Variants in TRIO observed in about 807,000 individuals in gnomAD.
TRIO encodes triple functional domain protein.
A neutral mutation model predicts 351.9 loss-of-function variants in TRIO; 58 were observed. That is an observed-to-expected ratio of 0.16 (90% CI 0.13 to 0.21). TRIO has a LOEUF of 0.21. Ranked by LOEUF, TRIO falls within the 10% of genes least tolerant of loss-of-function variation. The pLI, the probability that TRIO is intolerant of heterozygous loss-of-function variation, is 1.00. For missense variants in TRIO, 3,201 were observed against 4,027.8 expected (o/e 0.79, Z 5.56); for synonymous variants, 1,758 against 1,595.7 (o/e 1.10, Z -2.42).
chr5:14,488,010 T>C lies in TRIO; in HGVS notation c.7382T>C (p.Leu2461Pro), dbSNP rs1756113294. The C allele has an allele frequency of 3.2e-6, 5 of 1,584,582 alleles. No individual in the cohort carries two copies. Among genetic ancestry groups the C allele is most frequent in the South Asian group, 1.1e-5 (1 of 87,082 alleles). Reference sequence around the variant, plus strand: ...GCCGCTTCGCCGCTGAACTCGCCGCTCTCCAGCGCGGTCCCTTCTCTCGGC... The same window carrying C: ...GCCGCTTCGCCGCTGAACTCGCCGCCCTCCAGCGCGGTCCCTTCTCTCGGC... ...AGAASPLNSPLSSAVPSLGKE... is the reference protein window; with the variant it reads ...AGAASPLNSPPSSAVPSLGKE... Residue 2461 changes from leucine to proline, a missense_variant, in exon 48 of 57, where the codon CTC becomes CCC. Around this residue, in one of 19 missense-constraint regions of TRIO, gnomAD observed 1,089 missense variants for 954.9 expected, o/e 1.14. Transcript: ENST00000344204.
intron 1 of TRIO, among the ~76,000 whole-genome samples, chr5:14,159,344 A>C (rs1788294119): frequency 6.6e-6 from 1 of 150,598 alleles, no homozygotes; most frequent in African/African-American, 2.4e-5. Context: ...AAAGAGAGAG[A>C]GACTTTGCTT....
In TRIO at chr5:14,354,844, C is replaced by T. The variant is rs79650193; in HGVS notation, c.2047-3334C>T. 5.9e-5 allele frequency among the ~76,000 whole-genome samples: 9 copies of T among 152,308 alleles called. No homozygotes were observed. The East Asian group carries it at 1.7e-3, about 29-fold the overall frequency. ...CACAGGCAGGGGACCCGGGAATACT[C>T]CATTTCCTAGGTCCCATTGGACAGT... On this transcript the variant is annotated intron_variant, in intron 11 of 56. Coordinates refer to ENST00000344204, the MANE Select transcript of TRIO (RefSeq NM_007118.4).
intron 1 of TRIO, among the ~76,000 whole-genome samples, chr5:14,261,903 C>T (rs541285944): frequency 7.2e-4 from 109 of 152,324 alleles, no homozygotes; most frequent in African/African-American, 2.6e-3. Context: ...ACTAATCAGT[C>T]ACCAAATATA....
rs750507959 is a variant in TRIO at position 14,330,903 on chromosome 5, A to G, written c.1854+3A>G. 2.3e-5 allele frequency: 37 copies of G among 1,613,854 alleles called. No individual in the cohort carries two copies. Among genetic ancestry groups the G allele is most frequent in the Non-Finnish European group, 2.1e-5 (25 of 1,179,896 alleles). Reference sequence around the variant, plus strand: ...AAGATTTTGAAGAAGTGGCACAGGTAAAACAATGGCTTCTATTATTTTATC... The same window carrying G: ...AAGATTTTGAAGAAGTGGCACAGGTGAAACAATGGCTTCTATTATTTTATC... On this transcript the variant is annotated splice_donor_region_variant and intron_variant, in intron 10 of 56. Coordinates refer to ENST00000344204, the MANE Select transcript of TRIO (RefSeq NM_007118.4).
chr5:14,446,642 C>T (rs912515529), intron 34 of TRIO, among the ~76,000 whole-genome samples: 13 of 152,138 alleles, frequency 8.5e-5, no homozygotes, highest in Non-Finnish European at 1.6e-4. Flanking sequence ...CCAGTCTGTG[C>T]GACATGTCTT....
intron 49 of TRIO, among the ~76,000 whole-genome samples, chr5:14,496,516 G>C (rs1205939867): frequency 6.6e-6 from 1 of 152,146 alleles, no homozygotes; most frequent in African/African-American, 2.4e-5. Flanking sequence ...CCTTAGAAAG[G>C]GCACATGCCT....
chr5:14,445,947 G>A (rs1410341605), intron 34 of TRIO, among the ~76,000 whole-genome samples: 4 of 152,212 alleles, frequency 2.6e-5, no homozygotes, highest in East Asian at 1.9e-4. Flanking sequence ...CCAGCCCCAC[G>A]CAGGGGCGGT....
chr5:14,389,182 T>C (rs890145316), intron 24 of TRIO, 107 bp from the exon 25 acceptor site: 1 of 821,268 alleles, frequency 1.2e-6, no homozygotes, highest in Admixed American at 3.5e-5. Context: ...TCCTTAGTTA[T>C]ACTTTCACTT....
intron 34 of TRIO, among the ~76,000 whole-genome samples, chr5:14,422,323 CT>C (rs1750238281): frequency 6.6e-6 from 1 of 152,206 alleles, no homozygotes; most frequent in Admixed American, 6.5e-5. Flanking sequence ...GTCTCTGACT[CT>C]TACTGCTCTG....
intron 1 of TRIO, among the ~76,000 whole-genome samples, chr5:14,150,131 T>G (rs914125344): frequency 7.2e-5 from 11 of 152,200 alleles, no homozygotes; most frequent in African/African-American, 2.4e-4. Flanking sequence ...TTGTTAGCAT[T>G]GAAACTGTGT....
At chr5:14,236,948 A>C (rs1433681611) in intron 1 of TRIO, among the ~76,000 whole-genome samples, 2 of 152,208 alleles carry the variant, frequency 1.3e-5, no homozygotes, top group Admixed American at 1.3e-4. Flanking sequence ...AGGTATCCAC[A>C]GGGAAGCTTC....
chr5:14,355,439 C>T (rs887796412), intron 11 of TRIO, among the ~76,000 whole-genome samples: 13 of 152,188 alleles, frequency 8.5e-5, no homozygotes, highest in Non-Finnish European at 1.3e-4. Flanking sequence ...CTCGTAGTGA[C>T]GCCTTTAGGT....
At chr5:14,257,708 A>G (rs963957858) in intron 1 of TRIO, among the ~76,000 whole-genome samples, 4 of 152,216 alleles carry the variant, frequency 2.6e-5, no homozygotes, top group African/African-American at 9.7e-5. Context: ...TTAATTTACT[A>G]TGATTGTGTG....
intron 1 of TRIO, among the ~76,000 whole-genome samples, chr5:14,186,089 A>G (rs1486218339): frequency 6.6e-6 from 1 of 152,176 alleles, no homozygotes; most frequent in Admixed American, 6.5e-5. Context: ...TTAGATGTTG[A>G]CTAGATTCAT....
intron 6 of TRIO, 108 bp from the exon 7 acceptor site, chr5:14,296,964 G>A (rs1737414054): frequency 1.2e-6 from 1 of 829,572 alleles, no homozygotes; most frequent in Non-Finnish European, 1.9e-6. Context: ...GGAGAGATGT[G>A]ATCACTGTTA....
intron 1 of TRIO, among the ~76,000 whole-genome samples, chr5:14,235,882 C>T (rs1204702692): frequency 2.6e-5 from 4 of 151,832 alleles, no homozygotes; most frequent in African/African-American, 4.8e-5. Context: ...AGGCTGGTCT[C>T]GAACTCCTGG....
chr5:14,298,909 C>T (rs1737617821), intron 7 of TRIO, among the ~76,000 whole-genome samples: 1 of 152,214 alleles, frequency 6.6e-6, no homozygotes, highest in African/African-American at 2.4e-5. Flanking sequence ...GACCCTGTAG[C>T]CATCTCCGAT....
chr5:14,440,243 A>C (rs1432207858), intron 34 of TRIO, among the ~76,000 whole-genome samples: 1 of 152,238 alleles, frequency 6.6e-6, no homozygotes, highest in Non-Finnish European at 1.5e-5. Context: ...AGCAGCTCAG[A>C]GCCACACTAC....
At chr5:14,240,113 A>G (rs1794037845) in intron 1 of TRIO, among the ~76,000 whole-genome samples, 1 of 152,186 alleles carries the variant, frequency 6.6e-6, no homozygotes, top group African/African-American at 2.4e-5. Flanking sequence ...CTAGTCTGTG[A>G]CTAATAAGTT....
Sources: allele counts gnomAD v4.1 joint callset (sites outside exome capture counted in the v4.1 genomes callset), GRCh38; gene constraint gnomAD v4.1.1; regional missense constraint gnomAD v4.1.1; transcripts MANE v1.5; gene names NCBI Gene and HGNC (gene_info 2026-07-23, HGNC 2026-07-21).